The following HEATR5A variants were observed in gnomAD, a reference collection of about 807,000 sequenced individuals.
HEATR5A encodes the protein HEAT repeat-containing protein 5A.
HEATR5A carries 178 observed loss-of-function variants against 218.8 expected under a neutral mutation model. The observed-to-expected ratio is 0.81, with a 90% CI of 0.72 to 0.92. The LOEUF is 0.92. Among genes scored for constraint, HEATR5A ranks in the 40% least tolerant of loss-of-function variants. The pLI is 0.00. For missense variants in HEATR5A, 2,420 were observed against 2,418.9 expected (o/e 1.00, Z -0.01); for synonymous variants, 864 against 871.6 (o/e 0.99, Z 0.15).
At chr14:31,346,432 GA>G (rs1488005257) in intron 19 of HEATR5A, among the ~76,000 whole-genome samples, 2 of 152,266 alleles carry the variant, frequency 1.3e-5, no homozygotes, top group East Asian at 1.9e-4. Flanking sequence ...TTCAGAGGGG[GA>G]AAGCTAACTG....
chr14:31,337,004 T>C (rs1267700848), intron 22 of HEATR5A, among the ~76,000 whole-genome samples: 1 of 152,182 alleles, frequency 6.6e-6, no homozygotes, highest in Non-Finnish European at 1.5e-5. Context: ...CTATAGGCAA[T>C]TATAACACAA....
chr14:31,369,630 A>AC (rs1901951048), intron 13 of HEATR5A, among the ~76,000 whole-genome samples: 1 of 147,186 alleles, frequency 6.8e-6, no homozygotes, highest in Admixed American at 6.8e-5. Context: ...AAAAAAAAAA[A>AC]AAAAAACCCA....
intron 12 of HEATR5A, among the ~76,000 whole-genome samples, chr14:31,373,658 T>C (rs751881533): frequency 6.6e-6 from 1 of 152,128 alleles, no homozygotes; most frequent in Non-Finnish European, 1.5e-5. Context: ...AGTCTACATA[T>C]TGTAGAAGGT....
chr14:31,325,484 A>ATATGTATGTATGTATG (rs543647892), intron 23 of HEATR5A, among the ~76,000 whole-genome samples: 21 of 142,284 alleles, frequency 1.5e-4, no homozygotes, highest in African/African-American at 5.7e-4. Flanking sequence ...ATGTATGAAC[A>ATATGTATGTATGTATG]TATGTATGTA....
chr14:31,309,930 T>C (rs572776129), intron 28 of HEATR5A, among the ~76,000 whole-genome samples: 1 of 152,142 alleles, frequency 6.6e-6, no homozygotes, highest in Non-Finnish European at 1.5e-5. Context: ...CTTGAACTTC[T>C]GGGCTCAGGC....
chr14:31,326,319 G>C lies in HEATR5A; in HGVS notation c.3391C>G (p.Leu1131Val). The change falls in exon 23 of 36, where the codon CTT (leucine) becomes GTT (valine). Residue 1131 changes from leucine to valine, a missense_variant. Leu to Val is a conservative substitution (Grantham distance 32). Transcript: ENST00000543095. Reference sequence around the variant, plus strand: ...AGTAAGATCAACAATGCCCCCTCAAGGCCAACTTCTCTGATGTTAGCATCT... The same window carrying C: ...AGTAAGATCAACAATGCCCCCTCAACGCCAACTTCTCTGATGTTAGCATCT... ...TPDANIREVG[L>V]EGALLILLDK... 6.2e-7 allele frequency: 1 copy of C among 1,612,302 alleles called. No homozygotes were observed. The highest frequency in any genetic ancestry group is 8.5e-7 in the Non-Finnish European group (1 of 1,179,256).
intron 31 of HEATR5A, among the ~76,000 whole-genome samples, chr14:31,305,533 G>T (rs1431912928): frequency 6.6e-6 from 1 of 152,198 alleles, no homozygotes; most frequent in African/African-American, 2.4e-5. Context: ...AAAGTGCCAG[G>T]ATTACAGGTA....
rs374227864 is a variant in HEATR5A at position 31,367,319 on chromosome 14, T to A, written c.1962-3021A>T. On this transcript the variant is annotated intron_variant, in intron 13 of 35. Transcript: ENST00000543095. ...CCTCAATAATAGTAAAGAGGTATCA[T>A]GTTCAGAGGTATTATAAAACTATGA... Among the ~76,000 whole-genome samples the A allele has an allele frequency of 7.9e-5, 12 of 152,286 alleles. 1 individual carries two copies. The highest frequency in any genetic ancestry group is 7.2e-4 in the Admixed American group (11 of 15,306).
Position 31,337,600 on chromosome 14 carries a change from G to A in HEATR5A, c.3243C>T (p.Ser1081=). ...CTGCTCTTCTCAGTAACAAGTAGGG[G>A]CTACAAAGATTCACCTGAAAAATAC... ...LVSCLCVNLC[S]PYLLLRRAVL... is the part of the protein sequence containing the mutation. The change falls in exon 22 of 36, where the codon AGC becomes AGT. Residue 1081 remains serine (S), a synonymous_variant. Transcript: ENST00000543095. 6.2e-7 allele frequency: 1 copy of A among 1,600,322 alleles called. No individual in the cohort carries two copies. The highest frequency in any genetic ancestry group is 8.5e-7 in the Non-Finnish European group (1 of 1,173,492).
rs143468435 is a variant in HEATR5A, at chr14:31,333,829, C to T, written c.3367+3647G>A. Among the ~76,000 whole-genome samples, 340 of 151,120 alleles carry T rather than the reference C, an allele frequency of 2.2e-3. 5 individuals carry two copies. Among genetic ancestry groups the T allele is most frequent in the African/African-American group, 7.8e-3 (323 of 41,238 alleles). The stretch of plus-strand genomic sequence containing the variant: ...GGTGGATCACTTGAGCCCAGGAGTT[C>T]AAGACCAGCCTGGGCAACAAGGTGA... On this transcript the variant is annotated intron_variant, in intron 22 of 35. Transcript: ENST00000543095.
chr14:31,381,913 C>T (rs2030001002), intron 10 of HEATR5A, among the ~76,000 whole-genome samples: 1 of 152,154 alleles, frequency 6.6e-6, no homozygotes, highest in South Asian at 2.1e-4. Context: ...TATTACCAAT[C>T]ACCTCTGAAA....
rs780445681 is a variant in HEATR5A at position 31,371,917 on chromosome 14, G to C, written c.1862-8C>G. 4.8e-5 allele frequency: 69 copies of C among 1,435,952 alleles called. No individual in the cohort carries two copies. Among genetic ancestry groups the C allele is most frequent in the Non-Finnish European group, 6.5e-5 (68 of 1,054,216 alleles). The allele number at this position is 1,435,952 out of a possible 1,614,324, so 89.0% of individuals were successfully genotyped here. ...AAACAAAGCTCTTGATAGCTGAAAA[G>C]GAAAACAGACTTTTACTTGGGCATA... On this transcript the variant is annotated splice_polypyrimidine_tract_variant and splice_region_variant and intron_variant, in intron 12 of 35. Transcript: ENST00000543095.
At position 31,313,134 on chromosome 14, in the gene HEATR5A, G is replaced by T; in HGVS notation, c.4275C>A (p.Thr1425=). The T allele has an allele frequency of 6.2e-7, 1 of 1,613,762 alleles. No homozygotes were observed. The highest frequency in any genetic ancestry group is 8.5e-7 in the Non-Finnish European group (1 of 1,179,760). ...HKNHRQPLKT[T]TCLEDGIRNG... ...TTCTGATACCGTCTTCTAAACAGGT[G>T]GTAGTCTTCAAAGGTTGTCTGTGGT... The change falls in exon 28 of 36, where the codon ACC becomes ACA. Residue 1425 remains threonine (T), a synonymous_variant. Coordinates refer to ENST00000543095, the MANE Select transcript of HEATR5A (RefSeq NM_015473.4).
Position 31,309,152 on chromosome 14 carries a change from T to G in HEATR5A, c.4472A>C (p.Glu1491Ala). 6.2e-7 allele frequency: 1 copy of G among 1,613,982 alleles called. No homozygotes were observed. ...GGAFYTAETS[E>A]NAKLHYYNSW... ...GTTGTAATAATGCAATTTTGCATTT[T>G]CACTAGTCTCTGCTGTGTAGAAAGC... is the stretch of plus-strand genomic sequence containing the variant. The change falls in exon 29 of 36, where the codon GAA becomes GCA. Residue 1491 changes from glutamate to alanine, a missense_variant. Glu to Ala is a moderately radical substitution (Grantham distance 107). Transcript: ENST00000543095.
At chr14:31,330,243 A>G (rs1900416740) in intron 22 of HEATR5A, among the ~76,000 whole-genome samples, 1 of 152,204 alleles carries the variant, frequency 6.6e-6, no homozygotes, top group Non-Finnish European at 1.5e-5. Context: ...CAGCAGGCCC[A>G]ACACCATGTA....
chr14:31,378,201 G>A (rs1595154410), intron 11 of HEATR5A, among the ~76,000 whole-genome samples: 2 of 152,276 alleles, frequency 1.3e-5, no homozygotes, highest in Non-Finnish European at 2.9e-5. Flanking sequence ...AAACATTTGA[G>A]GCTTTGAGAG....
intron 13 of HEATR5A, among the ~76,000 whole-genome samples, chr14:31,369,484 A>G (rs1307197874): frequency 6.6e-6 from 1 of 151,952 alleles, no homozygotes; most frequent in East Asian, 1.9e-4. Context: ...ATAGTGGTGC[A>G]TGCCTATAAT....
At chr14:31,381,017 G>A (rs556887229) in intron 10 of HEATR5A, among the ~76,000 whole-genome samples, 1 of 152,346 alleles carries the variant, frequency 6.6e-6, no homozygotes, top group East Asian at 1.9e-4. Context: ...GGGAGGCTGA[G>A]GCGGGTGGAT....
At chr14:31,297,350 G>A (rs1311972039) in intron 33 of HEATR5A, 3 of 152,234 alleles carry the variant, frequency 2.0e-5, no homozygotes, top group Non-Finnish European at 4.4e-5. Flanking sequence ...TGTGTCTATA[G>A]TCCCAGCTAC....
Sources: allele counts gnomAD v4.1 joint callset (sites outside exome capture counted in the v4.1 genomes callset), GRCh38; gene constraint gnomAD v4.1.1; transcripts MANE v1.5; gene names NCBI Gene and HGNC (gene_info 2026-07-23, HGNC 2026-07-21).